The following HEATR5B variants were observed in gnomAD, a reference collection of about 807,000 sequenced individuals.
HEATR5B encodes HEAT repeat containing 5B.
HEATR5B carries 156 observed loss-of-function variants against 224.1 expected under a neutral mutation model. The ratio of observed to expected loss-of-function variants is 0.70; its 90% confidence interval spans 0.61 to 0.80. The LOEUF is 0.80. Among genes scored for constraint, HEATR5B ranks in the 30% least tolerant of loss-of-function variants. The pLI, the probability that HEATR5B is intolerant of heterozygous loss-of-function variation, is 0.00. For missense variants in HEATR5B, 2,323 were observed against 2,535.5 expected (o/e 0.92, Z 1.80); for synonymous variants, 1,027 against 893.0 (o/e 1.15, Z -2.68).
At chr2:37,040,173 T>C (rs939039664) in intron 20 of HEATR5B, among the ~76,000 whole-genome samples, 156 bp downstream of exon 20, 1 of 152,214 alleles carries the variant, frequency 6.6e-6, no homozygotes, top group East Asian at 1.9e-4. Flanking sequence ...ATGCCACATG[T>C]AAAAAGCTGA....
intron 33 of HEATR5B, among the ~76,000 whole-genome samples, chr2:36,992,474 G>A (rs891758488): frequency 1.1e-4 from 17 of 151,926 alleles, no homozygotes; most frequent in African/African-American, 3.9e-4. Flanking sequence ...CCAGCTACCT[G>A]GGAGGCTGAG....
chr2:37,037,769 T>C (rs559536076), intron 21 of HEATR5B, 86 bp downstream of exon 21: 58 of 893,280 alleles, frequency 6.5e-5, no homozygotes, highest in African/African-American at 6.4e-4. Context: ...AAAATATATA[T>C]AGCTAGTATG....
rs1368499720 is a variant in HEATR5B at position 36,981,761 on chromosome 2, A to G, written c.5945T>C (p.Leu1982Ser). Reference sequence around the variant, plus strand: ...ATTTTCATCCAGCAGGTAAGATATCAAAGTGGGAACTAAAAGAGCAAGTAG... The same window carrying G: ...ATTTTCATCCAGCAGGTAAGATATCGAAGTGGGAACTAAAAGAGCAAGTAG... ...VQLLALLVPT[L>S]ISYLLDENSF... is the part of the protein sequence containing the mutation. Residue 1982 changes from leucine to serine, a missense_variant, in exon 36 of 36, where the codon TTG (leucine) becomes TCG (serine). Physicochemically the swap from Leu to Ser is moderately radical, Grantham distance 145. This residue lies in a region of HEATR5B where 844 missense variants were observed against 812.9 expected (regional missense o/e 1.04). Transcript: ENST00000233099. The G allele has an allele frequency of 1.9e-6, 3 of 1,613,362 alleles. No homozygotes were observed. The highest frequency in any genetic ancestry group is 1.1e-5 in the South Asian group (1 of 90,916).
At position 37,013,014 on chromosome 2, in the gene HEATR5B, T is replaced by C. The variant is rs543161028; in HGVS notation, c.4284+827A>G. ...AAACGTAATATATCTCACCCCCGTA[T>C]TCTCAACTGCTAACCTGACAGAGCT... is the stretch of plus-strand genomic sequence containing the variant. On this transcript the variant is annotated intron_variant, in intron 27 of 35. Transcript: ENST00000233099. Among the ~76,000 whole-genome samples the C allele has an allele frequency of 2.0e-5, 3 of 152,356 alleles. No individual in the cohort carries two copies. In the East Asian group the frequency reaches 5.8e-4, roughly 29 times the overall value.
intron 3 of HEATR5B, among the ~76,000 whole-genome samples, chr2:37,078,213 TAA>T (rs1341830687): frequency 3.3e-5 from 5 of 152,308 alleles, no homozygotes; most frequent in Admixed American, 2.6e-4. Flanking sequence ...AATTTACAGA[TAA>T]GAGAGGTTAA....
intron 3 of HEATR5B, among the ~76,000 whole-genome samples, chr2:37,077,899 T>C (rs1327770062): frequency 6.6e-6 from 1 of 152,216 alleles, no homozygotes; most frequent in Non-Finnish European, 1.5e-5. Flanking sequence ...CTAAATTACA[T>C]TAACAGAACA....
At chr2:37,066,398 CAATAAATGTT>C (rs1380264095) in intron 8 of HEATR5B, among the ~76,000 whole-genome samples, 3 of 152,184 alleles carry the variant, frequency 2.0e-5, no homozygotes, top group Non-Finnish European at 4.4e-5. Context: ...AATACACATT[CAATAAATGTT>C]AACAGCTATT....
chr2:37,000,373 G>C (rs1286974926), intron 33 of HEATR5B, among the ~76,000 whole-genome samples: 1 of 152,096 alleles, frequency 6.6e-6, no homozygotes, highest in Middle Eastern at 3.2e-3. Context: ...ACCACGCCTG[G>C]CCCCAACATG....
At chr2:36,996,420 TTTTC>T (rs1398894512) in intron 33 of HEATR5B, among the ~76,000 whole-genome samples, 88 of 151,666 alleles carry the variant, frequency 5.8e-4, no homozygotes, top group South Asian at 3.3e-3. Flanking sequence ...ATGTGTGTTC[TTTTC>T]TTTCTTTTTT....
chr2:37,050,446 A>G (rs979523109), intron 17 of HEATR5B, among the ~76,000 whole-genome samples: 2 of 152,290 alleles, frequency 1.3e-5, no homozygotes, highest in African/African-American at 4.8e-5. Flanking sequence ...TTACTTCCAT[A>G]TATTAAGGAC....
intron 16 of HEATR5B, 84 bp from the exon 17 acceptor site, chr2:37,053,691 A>C (rs1428601644): frequency 2.9e-6 from 2 of 693,116 alleles, no homozygotes; most frequent in Non-Finnish European, 4.8e-6. Flanking sequence ...AGTACAAGTT[A>C]ATTGTTTAGC....
chr2:37,028,232 A>C (rs891971024), intron 23 of HEATR5B, 58 bp from the exon 24 acceptor site: 8 of 1,094,318 alleles, frequency 7.3e-6, no homozygotes, highest in Non-Finnish European at 7.4e-6. Flanking sequence ...TGATCCTTTA[A>C]AAAGTTATTA....
intron 21 of HEATR5B, 80 bp from the exon 22 acceptor site, chr2:37,032,853 TATAC>T: frequency 3.6e-6 from 4 of 1,101,808 alleles, no homozygotes; most frequent in Non-Finnish European, 5.1e-6. Flanking sequence ...TGAATATATA[TATAC>T]ATACATACAT....
At chr2:37,075,866 T>G in intron 4 of HEATR5B, 1 of 303,012 alleles carries the variant, frequency 3.3e-6, no homozygotes, top group Non-Finnish European at 6.0e-6. Flanking sequence ...TATTCCAATA[T>G]TTCTATGAAT....
intron 16 of HEATR5B, chr2:37,054,992 CA>C (rs1295738029): frequency 1.6e-5 from 4 of 254,122 alleles, no homozygotes; most frequent in Non-Finnish European, 3.3e-5. Context: ...AAGCATTATT[CA>C]AAACTCATAT....
chr2:37,048,062 A>G (rs750980381), intron 18 of HEATR5B, among the ~76,000 whole-genome samples: 4 of 152,260 alleles, frequency 2.6e-5, no homozygotes, highest in Non-Finnish European at 4.4e-5. Context: ...TGAAAAAGAT[A>G]ATGAAGGCAA....
intron 3 of HEATR5B, among the ~76,000 whole-genome samples, chr2:37,077,369 T>C (rs1672299917): frequency 6.6e-6 from 1 of 152,088 alleles, no homozygotes; most frequent in Non-Finnish European, 1.5e-5. Context: ...AGTGCAGTGG[T>C]GTGGTCCTGG....
intron 21 of HEATR5B, among the ~76,000 whole-genome samples, chr2:37,035,628 C>G (rs1391670435): frequency 6.6e-6 from 1 of 152,144 alleles, no homozygotes; most frequent in Non-Finnish European, 1.5e-5. Flanking sequence ...ACAACACAAC[C>G]TCTATTCCTT....
At chr2:37,037,816 C>G in intron 21 of HEATR5B, 39 bp downstream of exon 21, 12 of 1,368,540 alleles carry the variant, frequency 8.8e-6, no homozygotes, top group Non-Finnish European at 1.1e-5. Context: ...AAATAAAATA[C>G]AACTTAAAAA....
Sources: gnomAD v4.1 joint callset for allele counts (sites outside exome capture counted in the v4.1 genomes callset) on GRCh38, gnomAD v4.1.1 for gene constraint, gnomAD v4.1.1 regional missense constraint, MANE v1.5 for transcripts, NCBI Gene and HGNC (gene_info 2026-07-23, HGNC 2026-07-21) for gene names.